STYK1: variants seen among roughly 807,000 people sequenced by gnomAD.
The protein encoded by STYK1 is STY kinase 1.
A neutral mutation model predicts 48.1 loss-of-function variants in STYK1; 46 were observed. The observed-to-expected ratio is 0.96, with a 90% CI of 0.75 to 1.22. The LOEUF (loss-of-function observed/expected upper bound fraction) is 1.22. Among genes scored for constraint, STYK1 ranks in the 50% most tolerant of loss-of-function variants. The pLI is 0.00. For missense variants in STYK1, 527 were observed against 521.1 expected (o/e 1.01, Z -0.11); for synonymous variants, 188 against 189.0 (o/e 0.99, Z 0.04).
intron 1 of STYK1, among the ~76,000 whole-genome samples, chr12:10,651,469 T>G (rs1314053877): frequency 1.3e-5 from 2 of 152,204 alleles, no homozygotes; most frequent in Admixed American, 6.5e-5. Context: ...GTTTGCAATA[T>G]TATCTAACAC....
chr12:10,635,124 A>G (rs1364319554), intron 2 of STYK1, among the ~76,000 whole-genome samples: 7 of 152,168 alleles, frequency 4.6e-5, no homozygotes, highest in Non-Finnish European at 8.8e-5. Flanking sequence ...TTTTTAAGCA[A>G]AACATTTTTT....
Position 10,673,371 on chromosome 12 carries a change from C to G in STYK1, c.-195+595G>C, listed in dbSNP as rs181205533. On this transcript the variant is annotated intron_variant, in intron 1 of 10. Coordinates refer to ENST00000075503, the MANE Select transcript of STYK1 (RefSeq NM_018423.3). ...CAGCCTGAGTGACAGAGCAAGACTC[C>G]CTCCCCCACTCCCCACCCCAAATAA... 2.6e-5 allele frequency: 4 copies of G among 151,886 alleles called. No homozygotes were observed. In the East Asian group the frequency reaches 7.7e-4, roughly 29 times the overall value. 9.4% of individuals were successfully genotyped at this position (151,886 alleles called of 1,614,324 possible). A position where few individuals can be genotyped will look rare whatever the true frequency, so the allele number is the denominator to read the frequency against.
chr12:10,662,692 A>AT (rs541987228), intron 1 of STYK1, among the ~76,000 whole-genome samples: 22 of 150,654 alleles, frequency 1.5e-4, no homozygotes, highest in Non-Finnish European at 1.0e-4. Flanking sequence ...ATCCTTTACC[A>AT]TTTTTTTTTG....
intron 1 of STYK1, among the ~76,000 whole-genome samples, chr12:10,639,810 A>G (rs909519271): frequency 1.3e-5 from 2 of 152,226 alleles, no homozygotes; most frequent in Non-Finnish European, 2.9e-5. Context: ...TTTGTTGTGC[A>G]TATATACTTG....
At position 10,655,945 on chromosome 12, in the gene STYK1, A is replaced by T. The variant is rs1003212791; in HGVS notation, c.-195+18021T>A. Among the ~76,000 whole-genome samples, 9 of 152,112 alleles carry T rather than the reference A, an allele frequency of 5.9e-5. No homozygotes were observed. In the East Asian group the frequency reaches 1.7e-3, roughly 29 times the overall value. ...TTGGATCTTATTTCTCTGAGGAAAA[A>T]GTTTTTTTCTTCTCAGTTGACTAAA... On this transcript the variant is annotated intron_variant, in intron 1 of 10. Coordinates refer to ENST00000075503, the MANE Select transcript of STYK1 (RefSeq NM_018423.3).
At chr12:10,645,870 T>C (rs1947592989) in intron 1 of STYK1, among the ~76,000 whole-genome samples, 1 of 152,224 alleles carries the variant, frequency 6.6e-6, no homozygotes, top group Non-Finnish European at 1.5e-5. Context: ...TGATAATGAA[T>C]AAGTCTCACA....
chr12:10,673,333 C>T (rs567757934), intron 1 of STYK1, among the ~76,000 whole-genome samples: 147 of 152,048 alleles, frequency 9.7e-4, no homozygotes, highest in African/African-American at 3.2e-3. Flanking sequence ...ACCGAGATCG[C>T]GCCATTGCAC....
In STYK1 at chr12:10,619,679, A is replaced by G. The variant is rs559199016; in HGVS notation, c.*465T>C. On this transcript the variant is annotated 3_prime_UTR_variant, in exon 11 of 11. Coordinates refer to ENST00000075503, the MANE Select transcript of STYK1 (RefSeq NM_018423.3). ...GTGTCCTACCACCTTTTCTTGAAGG[A>G]GGTGTTGGTCCATATCTGTAATCCT... 4.9e-5 allele frequency: 10 copies of G among 204,648 alleles called. No homozygotes were observed. The highest frequency in any genetic ancestry group is 9.7e-5 in the Non-Finnish European group (10 of 103,058). The allele number at this position is 204,648 out of a possible 1,614,324, so 12.7% of individuals were successfully genotyped here. A position where few individuals can be genotyped will look rare whatever the true frequency, so the allele number is the denominator to read the frequency against.
chr12:10,621,786 A>G, intron 10 of STYK1, 90 bp downstream of exon 10: 2 of 1,164,146 alleles, frequency 1.7e-6, no homozygotes, highest in South Asian at 1.3e-5. Flanking sequence ...ACAGGTGAGG[A>G]TCATCTGAGC....
intron 1 of STYK1, among the ~76,000 whole-genome samples, chr12:10,640,198 G>A (rs537334306): frequency 9.2e-5 from 14 of 152,244 alleles, no homozygotes; most frequent in Admixed American, 7.2e-4. Context: ...TTCACTGTGA[G>A]CATGAGGGTC....
chr12:10,646,712 G>A (rs1947603616), intron 1 of STYK1, among the ~76,000 whole-genome samples: 2 of 152,208 alleles, frequency 1.3e-5, no homozygotes, highest in Non-Finnish European at 2.9e-5. Flanking sequence ...CTTTGAGGCA[G>A]CCCCTCTGAT....
intron 1 of STYK1, among the ~76,000 whole-genome samples, chr12:10,661,413 A>T (rs1449308819): frequency 6.6e-5 from 10 of 152,166 alleles, no homozygotes; most frequent in Admixed American, 5.9e-4. Context: ...GACTCTTCAC[A>T]CATCTGCATG....
chr12:10,622,036 T>G (rs954108089), intron 9 of STYK1, 64 bp from the exon 10 acceptor site: 12 of 1,439,460 alleles, frequency 8.3e-6, no homozygotes, highest in Non-Finnish European at 1.1e-5. Flanking sequence ...ACTAACACTA[T>G]TCTTCATCCA....
At chr12:10,662,943 G>A (rs943503651) in intron 1 of STYK1, among the ~76,000 whole-genome samples, 1 of 152,066 alleles carries the variant, frequency 6.6e-6, no homozygotes, top group Non-Finnish European at 1.5e-5. Flanking sequence ...TTACACTTAG[G>A]TTTTTCCTAA....
intron 1 of STYK1, among the ~76,000 whole-genome samples, chr12:10,642,169 G>C (rs1458039231): frequency 6.6e-6 from 1 of 152,114 alleles, no homozygotes; most frequent in East Asian, 1.9e-4. Flanking sequence ...CCCAAATTTT[G>C]GAGGCTTCCT....
rs572235065 is a variant in STYK1 at position 10,652,814 on chromosome 12, C to T, written c.-194-15618G>A. 7.2e-5 allele frequency among the ~76,000 whole-genome samples: 11 copies of T among 152,300 alleles called. 1 individual carries two copies. In the South Asian group the frequency reaches 2.3e-3, roughly 32 times the overall value. On this transcript the variant is annotated intron_variant, in intron 1 of 10. Transcript: ENST00000075503. ...AAGATAAATGAACTTTAGAATAATG[C>T]TATATTTGCACCAATATAGTCTCCA... is the stretch of plus-strand genomic sequence containing the variant.
chr12:10,642,370 C>T (rs1271129055), intron 1 of STYK1, among the ~76,000 whole-genome samples: 1 of 152,044 alleles, frequency 6.6e-6, no homozygotes, highest in Non-Finnish European at 1.5e-5. Flanking sequence ...AGGTGTTTTC[C>T]CATATGTAAA....
chr12:10,655,107 G>A (rs1030692105), intron 1 of STYK1, among the ~76,000 whole-genome samples: 1 of 152,158 alleles, frequency 6.6e-6, no homozygotes, highest in African/African-American at 2.4e-5. Flanking sequence ...GGATTCATGA[G>A]GCTAGTCTTA....
At chr12:10,630,666 T>C (rs1591679583) in intron 5 of STYK1, among the ~76,000 whole-genome samples, 1 of 151,594 alleles carries the variant, frequency 6.6e-6, no homozygotes, top group Non-Finnish European at 1.5e-5. Context: ...TTTCAATCAA[T>C]GCAGAAAAGG....
Sources: gnomAD v4.1 joint callset for allele counts (sites outside exome capture counted in the v4.1 genomes callset) on GRCh38, gnomAD v4.1.1 for gene constraint, MANE v1.5 for transcripts, NCBI Gene and HGNC (gene_info 2026-07-23, HGNC 2026-07-21) for gene names.